HS2ST1: variants seen among roughly 807,000 people sequenced by gnomAD.
The protein encoded by HS2ST1 is 2-O-sulfotransferase.
HS2ST1 carries 18 observed loss-of-function variants against 42.9 expected under a neutral mutation model. The ratio of observed to expected loss-of-function variants is 0.42; its 90% CI spans 0.29 to 0.62. The LOEUF (loss-of-function observed/expected upper bound fraction) is 0.62, where lower values mean the gene tolerates loss of function less well. Among genes scored for constraint, HS2ST1 ranks in the 20% least tolerant of loss-of-function variants. The pLI is 0.21. For missense variants in HS2ST1, 334 were observed against 433.8 expected, an observed-to-expected ratio of 0.77 and a Z score of 2.04; for synonymous variants, 146 against 152.9, an observed-to-expected ratio of 0.95 and a Z score of 0.33.
At chr1:87,007,609 C>A (rs1216204643) in intron 1 of HS2ST1, among the ~76,000 whole-genome samples, 1 of 152,104 alleles carries the variant, frequency 6.6e-6, no homozygotes, top group Non-Finnish European at 1.5e-5. Context: ...TTTTTCCTCT[C>A]AAAATACTTT....
intron 1 of HS2ST1, among the ~76,000 whole-genome samples, chr1:86,977,318 G>A (rs1648449418): frequency 1.3e-5 from 2 of 152,144 alleles, no homozygotes; most frequent in African/African-American, 4.8e-5. Context: ...GTGGCAAATT[G>A]TCATTTGCCA....
intron 1 of HS2ST1, among the ~76,000 whole-genome samples, chr1:87,057,149 A>C (rs1484133764): frequency 1.3e-5 from 2 of 152,200 alleles, no homozygotes; most frequent in African/African-American, 4.8e-5. Flanking sequence ...AAATTTTTTC[A>C]CAAAATCATG....
intron 1 of HS2ST1, among the ~76,000 whole-genome samples, chr1:86,964,898 C>T (rs1647998994): frequency 6.6e-6 from 1 of 152,180 alleles, no homozygotes; most frequent in South Asian, 2.1e-4. Flanking sequence ...TATGTGAAGA[C>T]TGATGATGTC....
chr1:87,063,936 G>T (rs1054089175), intron 1 of HS2ST1, among the ~76,000 whole-genome samples: 35 of 152,060 alleles, frequency 2.3e-4, no homozygotes, highest in African/African-American at 7.5e-4. Flanking sequence ...CTGTTTCCTT[G>T]CTTGGACTCC....
At chr1:87,101,731 C>T (rs1236992343) in intron 5 of HS2ST1, among the ~76,000 whole-genome samples, 3 of 152,146 alleles carry the variant, frequency 2.0e-5, no homozygotes, top group Non-Finnish European at 2.9e-5. Flanking sequence ...TTCTTCCAAC[C>T]GCTGCCCATT....
intron 1 of HS2ST1, among the ~76,000 whole-genome samples, chr1:87,049,061 TTTG>T (rs1192447500): frequency 2.0e-5 from 3 of 152,098 alleles, no homozygotes; most frequent in African/African-American, 7.2e-5. Flanking sequence ...GTGAGAAAGA[TTTG>T]TTTTCATTTT....
At chr1:87,098,521 A>G in intron 5 of HS2ST1, 1 of 277,596 alleles carries the variant, frequency 3.6e-6, no homozygotes, top group Non-Finnish European at 5.5e-6. Flanking sequence ...TAGGAGAAGT[A>G]GGAGAAAAAA....
Position 87,084,284 on chromosome 1 carries a change from GT to G in HS2ST1, c.449+7del. 2 of 1,538,490 alleles carry G rather than the reference GT, an allele frequency of 1.3e-6. No individual in the cohort carries two copies. The highest frequency in any genetic ancestry group is 1.8e-6 in the Non-Finnish European group (2 of 1,116,952). ...TTCTTACTTGGATTTTGCAAAGTAA[GT>G]TACACTGAAATGACACGCTAAAGAA... On this transcript the variant is annotated splice_donor_region_variant and intron_variant, in intron 3 of 6. Transcript: ENST00000370550.
At chr1:87,022,472 C>G (rs1162962466) in intron 1 of HS2ST1, among the ~76,000 whole-genome samples, 1 of 152,152 alleles carries the variant, frequency 6.6e-6, no homozygotes, top group Non-Finnish European at 1.5e-5. Context: ...TCAAAAACTT[C>G]ATCAGTGACA....
chr1:86,917,564 G>T (rs1660189741), intron 1 of HS2ST1, among the ~76,000 whole-genome samples: 1 of 151,500 alleles, frequency 6.6e-6, no homozygotes, highest in Non-Finnish European at 1.5e-5. Flanking sequence ...TTTTGCAGAT[G>T]CAGGAACAGG....
chr1:87,018,132 C>CCACACACACACGCACACACA (rs1649814661), intron 1 of HS2ST1, among the ~76,000 whole-genome samples: 1 of 149,240 alleles, frequency 6.7e-6, no homozygotes, highest in African/African-American at 2.5e-5. Context: ...TAAATAAAAG[C>CCACACACACACGCACACACA]CACACACACA....
intron 1 of HS2ST1, among the ~76,000 whole-genome samples, chr1:87,012,353 G>A (rs954834078): frequency 1.3e-5 from 2 of 152,094 alleles, no homozygotes; most frequent in African/African-American, 4.8e-5. Context: ...AGCAAGACAC[G>A]TCTTACATGG....
intron 1 of HS2ST1, among the ~76,000 whole-genome samples, chr1:87,016,111 G>A (rs761194440): frequency 1.3e-5 from 2 of 152,156 alleles, no homozygotes; most frequent in Non-Finnish European, 2.9e-5. Context: ...CGCTGTGCCC[G>A]GCCTTAGCTC....
Position 87,069,983 on chromosome 1 carries a change from C to CA in HS2ST1, c.125-2945dup, listed in dbSNP as rs533142315. Reference sequence around the variant, plus strand: ...ATAGATACCTGCTTATGAAATAACACAAAAAATCTTTTTTTCCAAGTATTT... The same window carrying CA: ...ATAGATACCTGCTTATGAAATAACACAAAAAAATCTTTTTTTCCAAGTATTT... On this transcript the variant is annotated intron_variant, in intron 1 of 6. Coordinates refer to ENST00000370550, the MANE Select transcript of HS2ST1 (RefSeq NM_012262.4). Among the ~76,000 whole-genome samples, 415 of 152,188 alleles carry CA rather than the reference C, an allele frequency of 2.7e-3. 2 individuals are homozygous for CA. The highest frequency in any genetic ancestry group is 4.6e-3 in the Non-Finnish European group (313 of 67,998).
At chr1:87,051,100 A>G (rs1005980687) in intron 1 of HS2ST1, among the ~76,000 whole-genome samples, 1 of 141,830 alleles carries the variant, frequency 7.1e-6, no homozygotes, top group Admixed American at 6.8e-5. Context: ...TTTATTAAGC[A>G]AATTTGTGTG....
At chr1:87,044,958 T>C (rs914190260) in intron 1 of HS2ST1, 15 of 1,590,860 alleles carry the variant, frequency 9.4e-6, no homozygotes, top group African/African-American at 1.3e-5. Flanking sequence ...ATCATCCAGC[T>C]CTTCCTTCTG....
At chr1:86,954,040 T>TAAA (rs367757359) in intron 1 of HS2ST1, among the ~76,000 whole-genome samples, 13 of 67,354 alleles carry the variant, frequency 1.9e-4, no homozygotes, top group East Asian at 1.0e-3. Context: ...CTGTTTTTTT[T>TAAA]AAAAAAAAAA....
At chr1:87,092,785 T>C in intron 4 of HS2ST1, 116 bp downstream of exon 4, 2 of 597,430 alleles carry the variant, frequency 3.3e-6, no homozygotes, top group Non-Finnish European at 4.9e-6. Flanking sequence ...TTGTGGAAAT[T>C]TTGAAGAGAA....
chr1:86,997,305 G>T (rs937353821), intron 1 of HS2ST1, among the ~76,000 whole-genome samples: 1 of 152,124 alleles, frequency 6.6e-6, no homozygotes, highest in Admixed American at 6.5e-5. Flanking sequence ...CCCAGGCCCA[G>T]GGCAGGATTT....
Sources: gnomAD v4.1 joint callset for allele counts (sites outside exome capture counted in the v4.1 genomes callset) on GRCh38, gnomAD v4.1.1 for gene constraint, MANE v1.5 for transcripts, NCBI Gene and HGNC (gene_info 2026-07-23, HGNC 2026-07-21) for gene names.